Variants in ADRA1B observed in about 807,000 individuals in gnomAD.
ADRA1B encodes alpha-1B adrenergic receptor.
A neutral mutation model predicts 17.9 loss-of-function variants in ADRA1B; 17 were observed. The observed-to-expected ratio is 0.95, with a 90% CI of 0.65 to 1.42. The LOEUF (loss-of-function observed/expected upper bound fraction) is 1.42. Ranked by LOEUF, ADRA1B falls within the 40% of genes most tolerant of loss-of-function variation. The pLI is 0.00. For synonymous variants in ADRA1B, 366 were observed against 327.6 expected, an observed-to-expected ratio of 1.12 and a Z score of -1.27; for missense variants, 681 against 722.1, an observed-to-expected ratio of 0.94 and a Z score of 0.65.
chr5:159,939,329 GCGCGCGCACACAATGCA>G (rs1257882974), intron 1 of ADRA1B, among the ~76,000 whole-genome samples: 1 of 123,620 alleles, frequency 8.1e-6, no homozygotes, highest in African/African-American at 2.7e-5. Flanking sequence ...GTGTGCGCGC[GCGCGCGCACACAATGCA>G]CTGAGGATAG....
chr5:159,936,871 T>C (rs571857436), intron 1 of ADRA1B, among the ~76,000 whole-genome samples: 2 of 152,320 alleles, frequency 1.3e-5, no homozygotes, highest in South Asian at 4.1e-4. Context: ...CAGGTGGACT[T>C]GGAACACTCT....
At chr5:159,866,146 T>C (rs568636308) in intron 1 of ADRA1B, among the ~76,000 whole-genome samples, 567 of 151,890 alleles carry the variant, frequency 3.7e-3, no homozygotes, top group African/African-American at 0.013. Context: ...TACAAATATA[T>C]ATATTTTTCA....
chr5:159,919,027 C>T (rs2113155579), intron 1 of ADRA1B, among the ~76,000 whole-genome samples: 1 of 152,202 alleles, frequency 6.6e-6, no homozygotes, highest in African/African-American at 2.4e-5. Flanking sequence ...CCTCAAACAG[C>T]TATAAATTCT....
In ADRA1B at chr5:159,967,965, A is replaced by G. The variant is rs148296913; in HGVS notation, c.950-3914A>G. The stretch of plus-strand genomic sequence containing the variant: ...CAAAAAACGTATGCCGCGCAGACAT[A>G]GGGGGAAAGTAAAATTTATGCCCCC... On this transcript the variant is annotated intron_variant, in intron 1 of 1. Coordinates refer to ENST00000306675, the MANE Select transcript of ADRA1B (RefSeq NM_000679.4). Among the ~76,000 whole-genome samples the G allele has an allele frequency of 2.5e-3, 384 of 152,280 alleles. 2 individuals carry two copies. Among genetic ancestry groups the G allele is most frequent in the African/African-American group, 8.6e-3 (359 of 41,558 alleles).
intron 1 of ADRA1B, among the ~76,000 whole-genome samples, chr5:159,898,704 G>T (rs1014516202): frequency 1.6e-4 from 25 of 152,158 alleles, no homozygotes; most frequent in Admixed American, 1.6e-3. Context: ...GTTTTGTTTG[G>T]CAGTTTCATC....
intron 1 of ADRA1B, among the ~76,000 whole-genome samples, chr5:159,964,612 G>A (rs942256121): frequency 2.6e-5 from 4 of 152,184 alleles, no homozygotes; most frequent in Non-Finnish European, 5.9e-5. Flanking sequence ...ACCCTTTGAG[G>A]GTTACTGATC....
chr5:159,950,016 G>T (rs1005713113), intron 1 of ADRA1B, among the ~76,000 whole-genome samples: 1 of 152,150 alleles, frequency 6.6e-6, no homozygotes, highest in Non-Finnish European at 1.5e-5. Context: ...CCAGGGCCTC[G>T]CCTGTCCATC....
chr5:159,915,849 G>A (rs1446614258), upstream of ADRA1B, among the ~76,000 whole-genome samples: 8 of 152,148 alleles, frequency 5.3e-5, no homozygotes, highest in African/African-American at 1.9e-4. Context: ...GAGAAGCTAC[G>A]CTCCTATAGG....
At chr5:159,899,247 G>T (rs912061430) in intron 1 of ADRA1B, among the ~76,000 whole-genome samples, 1 of 143,156 alleles carries the variant, frequency 7.0e-6, no homozygotes, top group African/African-American at 2.7e-5. Flanking sequence ...AGGGAGGAAG[G>T]AAGGAAGGAA....
intron 1 of ADRA1B, among the ~76,000 whole-genome samples, chr5:159,923,046 G>A (rs1260772595): frequency 1.3e-5 from 2 of 152,258 alleles, no homozygotes; most frequent in Admixed American, 6.5e-5. Flanking sequence ...CAGTGAAGGG[G>A]GCTGATAGAG....
At chr5:159,961,979 G>A (rs893389422) in intron 1 of ADRA1B, among the ~76,000 whole-genome samples, 1 of 152,172 alleles carries the variant, frequency 6.6e-6, no homozygotes, top group Admixed American at 6.5e-5. Context: ...GGGAGGCCGA[G>A]GCGAGGTTAG....
chr5:159,953,334 G>A (rs1438309973), intron 1 of ADRA1B, among the ~76,000 whole-genome samples: 1 of 152,028 alleles, frequency 6.6e-6, no homozygotes, highest in African/African-American at 2.4e-5. Flanking sequence ...CTCTAGCCTG[G>A]GCAACAGAAT....
At chr5:159,895,064 C>T (rs538859899) in intron 1 of ADRA1B, among the ~76,000 whole-genome samples, 85 of 152,276 alleles carry the variant, frequency 5.6e-4, no homozygotes, top group African/African-American at 2.0e-3. Flanking sequence ...CTTTGTAATA[C>T]ACAGAAAAAT....
chr5:159,926,812 G>A (rs886900762), intron 1 of ADRA1B, among the ~76,000 whole-genome samples: 1 of 152,098 alleles, frequency 6.6e-6, no homozygotes, highest in African/African-American at 2.4e-5. Flanking sequence ...ACTTGAACCT[G>A]GGAGGTGGAG....
chr5:159,985,663 T>G, the ADRA1B span, among the ~76,000 whole-genome samples: 1 of 152,204 alleles, frequency 6.6e-6, no homozygotes, highest in Non-Finnish European at 1.5e-5. Flanking sequence ...TTCTTTTCTT[T>G]TTTGTAGAGC....
At chr5:159,875,986 C>T (rs1467852716) in intron 1 of ADRA1B, among the ~76,000 whole-genome samples, 2 of 152,114 alleles carry the variant, frequency 1.3e-5, no homozygotes, top group Admixed American at 6.5e-5. Flanking sequence ...GTCAGGAGTT[C>T]GTGACCAGCC....
chr5:159,939,318 TGTGTGCGC>T (rs1381030392), intron 1 of ADRA1B, among the ~76,000 whole-genome samples: 17 of 98,202 alleles, frequency 1.7e-4, no homozygotes, highest in Non-Finnish European at 2.1e-4. Context: ...TGTGTGTGTG[TGTGTGCGC>T]GCGCGCGCGC....
At chr5:159,963,526 G>C (rs1755718337) in intron 1 of ADRA1B, among the ~76,000 whole-genome samples, 1 of 152,170 alleles carries the variant, frequency 6.6e-6, no homozygotes, top group Admixed American at 6.5e-5. Flanking sequence ...CAGTCATCAA[G>C]AATTGTTGTA....
intron 1 of ADRA1B, among the ~76,000 whole-genome samples, chr5:159,873,025 G>A (rs1753765260): frequency 6.6e-6 from 1 of 151,310 alleles, no homozygotes; most frequent in African/African-American, 2.4e-5. Context: ...AATATGCGGT[G>A]TTTGGTTTTC....
Sources: allele counts gnomAD v4.1 joint callset (sites outside exome capture counted in the v4.1 genomes callset), GRCh38; gene constraint gnomAD v4.1.1; transcripts MANE v1.5; gene names NCBI Gene and HGNC (gene_info 2026-07-23, HGNC 2026-07-21).